The following PCDH19 variants were observed in gnomAD, a reference collection of about 807,000 sequenced individuals.
PCDH19 encodes protocadherin-19.
Under a neutral mutation model 46.2 loss-of-function variants are expected in PCDH19, and 6 were observed. That is an observed-to-expected ratio of 0.13 (90% CI 0.07 to 0.26). The LOEUF is 0.26. Ranked by LOEUF, PCDH19 falls within the 10% of genes least tolerant of loss-of-function variation. The probability of loss-of-function intolerance (pLI) is 1.00; values close to 1 mark genes in which losing one functional copy is unlikely to be tolerated. For synonymous variants in PCDH19, 481 were observed against 415.7 expected (o/e 1.16, Z -1.91); for missense variants, 740 against 972.3 (o/e 0.76, Z 3.18).
At chrX:100,326,013 T>A (rs1925683750) in intron 5 of PCDH19, among the ~76,000 whole-genome samples, 1 of 112,410 alleles carries the variant, frequency 8.9e-6, no homozygotes, top group Non-Finnish European at 1.9e-5. Context: ...CACCATATTA[T>A]CAGCGAAGGT....
At chrX:100,371,849 TACACACACACACACACAC>T (rs56125276) in intron 3 of PCDH19, among the ~76,000 whole-genome samples, 1 of 80,756 alleles carries the variant, frequency 1.2e-5, no homozygotes, top group African/African-American at 5.0e-5. Flanking sequence ...CAAATGACTA[TACACACACACACACACAC>T]ACACACACAC....
Position 100,406,788 on chromosome X carries a change from T to C in PCDH19, c.1810A>G (p.Thr604Ala), listed in dbSNP as rs1928365372. Reference protein sequence around the residue: ...DYDEGENGRVTYDMTEGDRGF... With the variant: ...DYDEGENGRVAYDMTEGDRGF... ...CGGTCGCCCTCGGTCATGTCGTAGG[T>C]GACTCGGCCATTTTCGCCCTCATCG... Residue 604 changes from threonine (T) to alanine (A), a missense_variant, in exon 1 of 6, where the codon ACC (threonine) becomes GCC (alanine). Thr to Ala is a moderately conservative substitution (Grantham distance 58). Around this residue, in one of 5 missense-constraint regions of PCDH19, gnomAD observed 416 missense variants for 476.8 expected, o/e 0.87. Coordinates refer to ENST00000373034, the MANE Select transcript of PCDH19 (RefSeq NM_001184880.2). 8.3e-7 allele frequency: 1 copy of C among 1,211,905 alleles called. No homozygotes were observed. Among genetic ancestry groups the C allele is most frequent in the Middle Eastern group, 2.3e-4 (1 of 4,354 alleles).
chrX:100,353,119 G>C (rs1189125796), intron 3 of PCDH19, among the ~76,000 whole-genome samples: 3 of 111,804 alleles, frequency 2.7e-5, no homozygotes, highest in Admixed American at 9.5e-5. Flanking sequence ...GCTTTATACA[G>C]AACCTGCAAC....
In PCDH19 at chrX:100,363,040, T is replaced by A. The variant is rs181083216; in HGVS notation, c.2617-12336A>T. 3.4e-4 allele frequency among the ~76,000 whole-genome samples: 38 copies of A among 111,084 alleles called. 1 individual carries two copies. The highest frequency in any genetic ancestry group is 2.0e-3 in the Admixed American group (21 of 10,435). On this transcript the variant is annotated intron_variant, in intron 3 of 5. Transcript: ENST00000373034. Reference sequence around the variant, plus strand: ...AATAATATCAGCCGAGTGCGGTGGCTCACGCCTGTAATCCTAGCACTTTGG... The same window carrying A: ...AATAATATCAGCCGAGTGCGGTGGCACACGCCTGTAATCCTAGCACTTTGG...
intron 5 of PCDH19, among the ~76,000 whole-genome samples, chrX:100,334,309 A>G (rs1437165678): frequency 9.0e-6 from 1 of 111,620 alleles, no homozygotes. Context: ...CCACAAAGAA[A>G]TGATAAATGT....
chrX:100,333,165 G>GAGAGAGA (rs1569294642), intron 5 of PCDH19, among the ~76,000 whole-genome samples: 1 of 48,385 alleles, frequency 2.1e-5, no homozygotes, highest in Non-Finnish European at 4.3e-5. Flanking sequence ...AAGGAAGGAA[G>GAGAGAGA]GAAGGAAGGG....
chrX:100,320,351 T>C (rs1925437005), intron 5 of PCDH19, among the ~76,000 whole-genome samples: 1 of 111,848 alleles, frequency 8.9e-6, no homozygotes, highest in African/African-American at 3.2e-5. Flanking sequence ...GCAAGTTGCT[T>C]GAGATCACAC....
chrX:100,339,418 T>C (rs920857605), intron 5 of PCDH19, among the ~76,000 whole-genome samples: 1 of 112,363 alleles, frequency 8.9e-6, no homozygotes, highest in African/African-American at 3.2e-5. Flanking sequence ...CATGTTACCC[T>C]GGGACAATCT....
At chrX:100,314,286 C>T (rs1205480156) in intron 5 of PCDH19, among the ~76,000 whole-genome samples, 1 of 111,529 alleles carries the variant, frequency 9.0e-6, no homozygotes, top group Non-Finnish European at 1.9e-5. Flanking sequence ...TTCTGGTCTG[C>T]ATTACCATTA....
chrX:100,331,181 C>A (rs1179018309), intron 5 of PCDH19, among the ~76,000 whole-genome samples: 1 of 112,117 alleles, frequency 8.9e-6, no homozygotes, highest in Non-Finnish European at 1.9e-5. Context: ...CTACAGCACC[C>A]TTCTGACATT....
At chrX:100,362,690 G>A (rs181677275) in intron 3 of PCDH19, among the ~76,000 whole-genome samples, 1,766 of 107,974 alleles carry the variant, frequency 0.016, 42 homozygotes, top group African/African-American at 0.057. Flanking sequence ...CCAGCTACTC[G>A]GGAGGCTGAG....
rs1924785357 is a variant in PCDH19, at chrX:100,301,633, A to G, written c.2849-4758T>C. On this transcript the variant is annotated intron_variant, in intron 5 of 5. Coordinates refer to ENST00000373034, the MANE Select transcript of PCDH19 (RefSeq NM_001184880.2). ...TATTCTGCATCACCTCATGAACAAG[A>G]CAATCTGTAACCAAAGCAGGGCCAT... Among the ~76,000 whole-genome samples, 6 of 111,710 alleles carry G rather than the reference A, an allele frequency of 5.4e-5. No homozygotes were observed. The South Asian group carries it at 2.3e-3, about 42-fold the overall frequency.
chrX:100,383,411 G>A (rs1927616360), intron 3 of PCDH19, among the ~76,000 whole-genome samples: 1 of 112,019 alleles, frequency 8.9e-6, no homozygotes. Context: ...CGCTCCATAC[G>A]AAATAGAGAT....
At chrX:100,378,275 T>C (rs1421101676) in intron 3 of PCDH19, among the ~76,000 whole-genome samples, 4 of 113,024 alleles carry the variant, frequency 3.5e-5, no homozygotes, top group Non-Finnish European at 7.5e-5. Context: ...AGAATGTGTC[T>C]ATTGGGTTCT....
intron 5 of PCDH19, among the ~76,000 whole-genome samples, chrX:100,332,618 CA>C (rs1439632831): frequency 3.6e-5 from 4 of 110,496 alleles, no homozygotes; most frequent in African/African-American, 9.9e-5. Flanking sequence ...GGAAAATAAA[CA>C]GAAAAAAATA....
intron 5 of PCDH19, among the ~76,000 whole-genome samples, chrX:100,320,460 T>C (rs1164702824): frequency 1.8e-5 from 2 of 111,627 alleles, no homozygotes; most frequent in Non-Finnish European, 3.8e-5. Flanking sequence ...AAAAAGGCAA[T>C]AATAAACACC....
intron 5 of PCDH19, among the ~76,000 whole-genome samples, chrX:100,314,680 T>C (rs141389191): frequency 5.5e-4 from 61 of 111,744 alleles, no homozygotes; most frequent in African/African-American, 1.9e-3. Context: ...AGAGTGATTG[T>C]ACACTAGATA....
rs1374833962 is a variant in PCDH19 at position 100,338,438 on chromosome X, C to T, written c.2848+3465G>A. Among the ~76,000 whole-genome samples, 3 of 104,678 alleles carry T rather than the reference C, an allele frequency of 2.9e-5. No individual in the cohort carries two copies. The Admixed American group carries it at 3.1e-4, about 11-fold the overall frequency. The allele number at this position is 104,678 out of a possible 115,157, so 90.9% of individuals were successfully genotyped here. A position where few individuals can be genotyped will look rare whatever the true frequency, so the allele number is the denominator to read the frequency against. Reference sequence around the variant, plus strand: ...TTGGGAAGCTAAGGCAGGAGAATCGCTTGAACCCAGGAGGCAGAAGTTGCA... The same window carrying T: ...TTGGGAAGCTAAGGCAGGAGAATCGTTTGAACCCAGGAGGCAGAAGTTGCA... On this transcript the variant is annotated intron_variant, in intron 5 of 5. Transcript: ENST00000373034.
intron 5 of PCDH19, among the ~76,000 whole-genome samples, chrX:100,331,991 G>C (rs190456887): frequency 2.0e-4 from 22 of 110,451 alleles, no homozygotes; most frequent in Middle Eastern, 4.6e-3. Flanking sequence ...AAATTAAAAA[G>C]GCTTTCTTGT....
Sources: allele counts gnomAD v4.1 joint callset (sites outside exome capture counted in the v4.1 genomes callset), GRCh38; gene constraint gnomAD v4.1.1; regional missense constraint gnomAD v4.1.1; transcripts MANE v1.5; gene names NCBI Gene and HGNC (gene_info 2026-07-23, HGNC 2026-07-21).